C8A: variants seen among roughly 807,000 people sequenced by gnomAD.
C8A encodes the protein complement C8 alpha chain.
C8A carries 67 observed loss-of-function variants against 65.3 expected under a neutral mutation model. The observed-to-expected ratio is 1.03, with a 90% CI of 0.84 to 1.26. The LOEUF (loss-of-function observed/expected upper bound fraction) is 1.26. Among genes scored for constraint, C8A ranks in the 50% most tolerant of loss-of-function variants. The pLI is 0.00. For missense variants in C8A, 781 were observed against 723.9 expected (o/e 1.08, Z -0.90); for synonymous variants, 290 against 259.4 (o/e 1.12, Z -1.13).
At chr1:56,914,768 G>A (rs572086269) in intron 10 of C8A, among the ~76,000 whole-genome samples, 16 of 152,180 alleles carry the variant, frequency 1.1e-4, no homozygotes, top group East Asian at 5.8e-4. Flanking sequence ...GGGTTCAAGC[G>A]ATTCTCCCAC....
At chr1:56,861,508 C>A (rs1293964087) in intron 1 of C8A, among the ~76,000 whole-genome samples, 1 of 152,128 alleles carries the variant, frequency 6.6e-6, no homozygotes, top group Non-Finnish European at 1.5e-5. Context: ...GAGGGATCTG[C>A]CCCATGACCC....
At chr1:56,888,062 C>A (rs1644315190) in intron 7 of C8A, among the ~76,000 whole-genome samples, 1 of 152,150 alleles carries the variant, frequency 6.6e-6, no homozygotes, top group Non-Finnish European at 1.5e-5. Context: ...AGCAAACCAC[C>A]ATGGCATGGG....
intron 10 of C8A, among the ~76,000 whole-genome samples, chr1:56,917,052 A>G (rs1185865536): frequency 6.6e-6 from 1 of 152,038 alleles, no homozygotes; most frequent in Non-Finnish European, 1.5e-5. Flanking sequence ...ACTCTGTGTC[A>G]TTCTTCCAAG....
chr1:56,870,204 T>C (rs1192645314), intron 2 of C8A, among the ~76,000 whole-genome samples: 1 of 152,076 alleles, frequency 6.6e-6, no homozygotes, highest in Non-Finnish European at 1.5e-5. Flanking sequence ...AGGCCAGAAG[T>C]CTGAAATCCA....
chr1:56,895,421 G>C (rs1220332890), intron 7 of C8A, among the ~76,000 whole-genome samples: 2 of 152,062 alleles, frequency 1.3e-5, no homozygotes, highest in African/African-American at 2.4e-5. Flanking sequence ...GCTTGCCCAA[G>C]GTCACATAGC....
Position 56,905,315 on chromosome 1 carries a change from C to G in C8A, c.1097-1352C>G, listed in dbSNP as rs530301876. 4.0e-4 allele frequency among the ~76,000 whole-genome samples: 61 copies of G among 152,230 alleles called. No individual in the cohort carries two copies. The South Asian group carries it at 0.012, about 31-fold the overall frequency. ...TTTCCATAAATGGGAAATGGAGGCCCAGTGGGATCATGGGCCTTTCCTAGG... is the reference window on the plus strand; with the variant it reads ...TTTCCATAAATGGGAAATGGAGGCCGAGTGGGATCATGGGCCTTTCCTAGG... On this transcript the variant is annotated intron_variant, in intron 7 of 10. Coordinates refer to ENST00000361249, the MANE Select transcript of C8A (RefSeq NM_000562.3).
intron 2 of C8A, among the ~76,000 whole-genome samples, chr1:56,870,585 GC>G (rs1644135247): frequency 6.6e-6 from 1 of 151,372 alleles, no homozygotes; most frequent in Non-Finnish European, 1.5e-5. Flanking sequence ...GCAATGGCCG[GC>G]TTTCCAAATA....
At chr1:56,911,430 A>C (rs1045556067) in intron 9 of C8A, among the ~76,000 whole-genome samples, 3 of 152,194 alleles carry the variant, frequency 2.0e-5, no homozygotes, top group Non-Finnish European at 2.9e-5. Flanking sequence ...AGTCGGAAGC[A>C]GGGTAGCTGG....
At chr1:56,877,743 A>G (rs539184444) in intron 4 of C8A, among the ~76,000 whole-genome samples, 1 of 152,094 alleles carries the variant, frequency 6.6e-6, no homozygotes, top group Non-Finnish European at 1.5e-5. Context: ...AAATGAGGAG[A>G]TGTAGTAACT....
chr1:56,893,520 G>T lies in C8A; in HGVS notation c.1096+7353G>T, dbSNP rs115556711. ...AAGATCCAAATAAGAATGATAACAA[G>T]GGCTTGTTTGGTTGAAAATAATTCT... On this transcript the variant is annotated intron_variant, in intron 7 of 10. Coordinates refer to ENST00000361249, the MANE Select transcript of C8A (RefSeq NM_000562.3). Among the ~76,000 whole-genome samples, 939 of 152,196 alleles carry T rather than the reference G, an allele frequency of 6.2e-3. 9 individuals are homozygous for T. The highest frequency in any genetic ancestry group is 0.022 in the African/African-American group (908 of 41,542).
At chr1:56,857,097 A>G (rs1426497863) in intron 1 of C8A, among the ~76,000 whole-genome samples, 3 of 152,060 alleles carry the variant, frequency 2.0e-5, no homozygotes, top group Admixed American at 1.3e-4. Flanking sequence ...TGAATATTCC[A>G]TATGCTCAAA....
intron 7 of C8A, among the ~76,000 whole-genome samples, chr1:56,894,844 C>T (rs1570342936): frequency 6.6e-6 from 1 of 152,272 alleles, no homozygotes; most frequent in East Asian, 1.9e-4. Context: ...TTGTCATAAT[C>T]ATCAGATTAT....
intron 1 of C8A, among the ~76,000 whole-genome samples, chr1:56,861,416 A>G (rs1389447380): frequency 6.6e-6 from 1 of 152,100 alleles, no homozygotes; most frequent in Admixed American, 6.5e-5. Context: ...ACAACAACTC[A>G]TTTCCATGGG....
intron 2 of C8A, among the ~76,000 whole-genome samples, chr1:56,867,988 C>T (rs894684992): frequency 3.3e-5 from 5 of 151,990 alleles, no homozygotes; most frequent in African/African-American, 1.2e-4. Flanking sequence ...TGAGTCATGG[C>T]AAATCTATTG....
At chr1:56,876,306 T>C in intron 4 of C8A, 97 bp downstream of exon 4, 1 of 1,471,706 alleles carries the variant, frequency 6.8e-7, no homozygotes, top group Non-Finnish European at 9.5e-7. Flanking sequence ...TTTTGGAGGG[T>C]TCCTCTGGAG....
At chr1:56,856,578 T>A (rs1004539233) in intron 1 of C8A, among the ~76,000 whole-genome samples, 1 of 152,152 alleles carries the variant, frequency 6.6e-6, no homozygotes, top group Admixed American at 6.5e-5. Flanking sequence ...GTAATAGCAC[T>A]CTTTTTCCCT....
Position 56,906,733 on chromosome 1 carries a change from T to C in C8A, c.1163T>C (p.Ile388Thr). The C allele has an allele frequency of 6.2e-7, 1 of 1,614,070 alleles. No homozygotes were observed. The highest frequency in any genetic ancestry group is 8.5e-7 in the Non-Finnish European group (1 of 1,179,960). Reference protein sequence around the residue: ...GSLGIQYEDKINVGGGLSGDH... With the variant: ...GSLGIQYEDKTNVGGGLSGDH... ...TTGGGCATTCAATATGAAGACAAAA[T>C]AAATGTTGGTGGAGGTTTATCAGGA... Residue 388 changes from isoleucine (I) to threonine (T), a missense_variant, in exon 8 of 11, where the codon ATA (isoleucine) becomes ACA (threonine). Physicochemically the swap from Ile to Thr is moderately conservative, Grantham distance 89. Coordinates refer to ENST00000361249, the MANE Select transcript of C8A (RefSeq NM_000562.3).
Position 56,883,552 on chromosome 1 carries a change from A to T in C8A, c.726A>T (p.Lys242Asn). Reference sequence around the variant, plus strand: ...ATGACCTTCTTTCCAAAGTTAAAAAAGACAAGTCTGACTCATTTGGAGTGA... The same window carrying T: ...ATGACCTTCTTTCCAAAGTTAAAAATGACAAGTCTGACTCATTTGGAGTGA... ...NANDLLSKVK[K>N]DKSDSFGVTI... is the part of the protein sequence containing the mutation. The change falls in exon 6 of 11, where the codon AAA (lysine) becomes AAT (asparagine). Residue 242 changes from lysine to asparagine, a missense_variant. Coordinates refer to ENST00000361249, the MANE Select transcript of C8A (RefSeq NM_000562.3). The T allele has an allele frequency of 6.2e-7, 1 of 1,614,058 alleles. No homozygotes were observed. The highest frequency in any genetic ancestry group is 2.2e-5 in the East Asian group (1 of 44,868).
At chr1:56,869,641 A>G (rs1332939341) in intron 2 of C8A, among the ~76,000 whole-genome samples, 1 of 152,090 alleles carries the variant, frequency 6.6e-6, no homozygotes, top group African/African-American at 2.4e-5. Flanking sequence ...GTAGTGTAAA[A>G]CTGTTCCCTT....
Sources: gnomAD v4.1 joint callset for allele counts (sites outside exome capture counted in the v4.1 genomes callset) on GRCh38, gnomAD v4.1.1 for gene constraint, MANE v1.5 for transcripts, NCBI Gene and HGNC (gene_info 2026-07-23, HGNC 2026-07-21) for gene names.